Variants in ACOT7 observed in about 807,000 individuals in gnomAD.
ACOT7 encodes cytosolic acyl coenzyme A thioester hydrolase.
ACOT7 carries 12 observed loss-of-function variants against 40.2 expected under a neutral mutation model. The ratio of observed to expected loss-of-function variants is 0.30; its 90% CI spans 0.19 to 0.48. The LOEUF is 0.48. Ranked by LOEUF, ACOT7 falls within the 20% of genes least tolerant of loss-of-function variation. The probability of loss-of-function intolerance (pLI) is 0.99; values close to 1 mark genes in which losing one functional copy is unlikely to be tolerated. For missense variants in ACOT7, 395 were observed against 530.8 expected, an observed-to-expected ratio of 0.74 and a Z score of 2.51; for synonymous variants, 228 against 219.5, an observed-to-expected ratio of 1.04 and a Z score of -0.34.
At chr1:6,312,845 CA>C (rs1274700541) in intron 6 of ACOT7, among the ~76,000 whole-genome samples, 1 of 152,172 alleles carries the variant, frequency 6.6e-6, no homozygotes, top group African/African-American at 2.4e-5. Flanking sequence ...ACTATGTACC[CA>C]AAAAATTTTT....
rs769434895 is a variant in ACOT7 at position 6,306,551 on chromosome 1, A to C, written c.713-11571T>G. The C allele has an allele frequency of 1.4e-5, 14 of 985,344 alleles. No homozygotes were observed. The highest frequency in any genetic ancestry group is 1.7e-5 in the Non-Finnish European group (14 of 829,946). 61.0% of individuals were successfully genotyped at this position (985,344 alleles called of 1,614,324 possible). On this transcript the variant is annotated intron_variant, in intron 6 of 8. Coordinates refer to ENST00000361521, the MANE Select transcript of ACOT7 (RefSeq NM_007274.4). The surrounding 1 kb of genome is among the most constrained non-coding windows in gnomAD (Gnocchi z 4.3). ...TGGACGTGAAGCTGTTCTTCAGAAC[A>C]GAAGAACCTGGAGAACGATGTTTTC...
At chr1:6,362,969 G>A (rs920836992) in intron 1 of ACOT7, among the ~76,000 whole-genome samples, 8 of 151,960 alleles carry the variant, frequency 5.3e-5, no homozygotes, top group Non-Finnish European at 1.0e-4. Flanking sequence ...AGAGACCAAG[G>A]GCATGAGCTT....
rs1640923855 is a variant in ACOT7, at chr1:6,330,426, G to A, written c.511-3013C>T. On this transcript the variant is annotated intron_variant, in intron 4 of 8. Transcript: ENST00000361521. This position sits in a 1 kb window ranked among gnomAD's most constrained non-coding sequence, Gnocchi z 4.6. ...ACGTGGGCCTAGCGTGTGTTGGGGG[G>A]AAGATGGTGCAAAGAGCTCTGAACA... 6.6e-6 allele frequency among the ~76,000 whole-genome samples: 1 copy of A among 152,192 alleles called. No homozygotes were observed. Among genetic ancestry groups the A allele is most frequent in the Non-Finnish European group, 1.5e-5 (1 of 68,034 alleles).
At chr1:6,332,484 G>A (rs1640983097) in intron 4 of ACOT7, among the ~76,000 whole-genome samples, 1 of 152,228 alleles carries the variant, frequency 6.6e-6, no homozygotes, top group Non-Finnish European at 1.5e-5. Context: ...GCCCGCCCAT[G>A]GCAGGACCCC....
At chr1:6,346,077 G>A (rs1641411333) in intron 2 of ACOT7, among the ~76,000 whole-genome samples, 1 of 152,112 alleles carries the variant, frequency 6.6e-6, no homozygotes, top group South Asian at 2.1e-4. Context: ...GAGGGAGCCA[G>A]GCCATCAGGG....
chr1:6,364,416 A>G (rs1641956050), intron 1 of ACOT7, among the ~76,000 whole-genome samples: 1 of 149,016 alleles, frequency 6.7e-6, no homozygotes, highest in South Asian at 2.1e-4. Context: ...TGGTGCATGC[A>G]TGTAATCCCA....
Position 6,393,576 on chromosome 1 carries a change from G to C in ACOT7, c.-177C>G. On this transcript the variant is annotated 5_prime_UTR_variant, in exon 1 of 9. Transcript: ENST00000361521. ...CGCGCGGGCGTACGATTCTGGCGGC[G>C]TGGGGGCCCAGGCAGCCGCCGCTTC... is the stretch of plus-strand genomic sequence containing the variant. 1 of 492,928 alleles carries C rather than the reference G, an allele frequency of 2.0e-6. No individual in the cohort carries two copies. The highest frequency in any genetic ancestry group is 3.0e-6 in the Non-Finnish European group (1 of 329,416). 30.5% of individuals were successfully genotyped at this position (492,928 alleles called of 1,614,324 possible). A position where few individuals can be genotyped will look rare whatever the true frequency, so the allele number is the denominator to read the frequency against.
intron 8 of ACOT7, among the ~76,000 whole-genome samples, chr1:6,268,030 G>A (rs1638902320): frequency 6.6e-6 from 1 of 152,244 alleles, no homozygotes; most frequent in Admixed American, 6.5e-5. Context: ...TACACGAGAT[G>A]TCCAGGAGAG....
intron 1 of ACOT7, among the ~76,000 whole-genome samples, chr1:6,370,326 C>A (rs1445014060): frequency 6.6e-6 from 1 of 152,178 alleles, no homozygotes; most frequent in East Asian, 1.9e-4. Context: ...CATAAATTAC[C>A]CAGCTTCGGG....
intron 1 of ACOT7, among the ~76,000 whole-genome samples, chr1:6,371,818 G>T (rs1642138843): frequency 6.6e-6 from 1 of 151,848 alleles, no homozygotes; most frequent in Non-Finnish European, 1.5e-5. Context: ...GCTGAGACAG[G>T]CAGATCATTT....
chr1:6,268,685 C>T lies in ACOT7; in HGVS notation c.1015-3990G>A, dbSNP rs1022620439. On this transcript the variant is annotated intron_variant, in intron 8 of 8. Transcript: ENST00000361521. ...CAGGCCCCACGCACGCGGCACGGCC[C>T]GAACGGCAGGGAGATCTCCGCCCAA... 3.9e-5 allele frequency among the ~76,000 whole-genome samples: 6 copies of T among 152,246 alleles called. 1 individual carries two copies. Among genetic ancestry groups the T allele is most frequent in the Non-Finnish European group, 7.3e-5 (5 of 68,042 alleles).
intron 3 of ACOT7, among the ~76,000 whole-genome samples, chr1:6,336,881 A>G (rs1641120503): frequency 6.6e-6 from 1 of 152,208 alleles, no homozygotes. Flanking sequence ...GAGATGAGCG[A>G]GACAGAGGGG....
At chr1:6,296,339 G>C (rs911544588) in intron 6 of ACOT7, among the ~76,000 whole-genome samples, 1 of 152,168 alleles carries the variant, frequency 6.6e-6, no homozygotes, top group African/African-American at 2.4e-5. Flanking sequence ...TCTCTTATTT[G>C]ATGGACCACC....
Position 6,274,226 on chromosome 1 carries a change from C to A in ACOT7, c.1014+6876G>T, listed in dbSNP as rs932412133. Among the ~76,000 whole-genome samples the A allele has an allele frequency of 6.6e-6, 1 of 152,194 alleles. No individual in the cohort carries two copies. The highest frequency in any genetic ancestry group is 2.4e-5 in the African/African-American group (1 of 41,456). On this transcript the variant is annotated intron_variant, in intron 8 of 8. Transcript: ENST00000361521. The surrounding 1 kb of genome is among the most constrained non-coding windows in gnomAD (Gnocchi z 5.9). ...CAATTACAGCATCACTGAGAAGGCA[C>A]GGAGAGGGAACTTGGGGTAACAGCC...
In ACOT7 at chr1:6,275,199, C is replaced by T. The variant is rs898318306; in HGVS notation, c.1014+5903G>A. On this transcript the variant is annotated intron_variant, in intron 8 of 8. Transcript: ENST00000361521. The surrounding 1 kb of genome is among the most constrained non-coding windows in gnomAD (Gnocchi z 5.6). ...CTGCCCCTCCAGTCCCTTGCCCACCCAGGAGACAGGCAGCAGCCTCTGCAT... is the reference window on the plus strand; with the variant it reads ...CTGCCCCTCCAGTCCCTTGCCCACCTAGGAGACAGGCAGCAGCCTCTGCAT... Among the ~76,000 whole-genome samples the T allele has an allele frequency of 6.6e-6, 1 of 152,254 alleles. No homozygotes were observed. Among genetic ancestry groups the T allele is most frequent in the Non-Finnish European group, 1.5e-5 (1 of 68,046 alleles).
chr1:6,365,988 G>A (rs1396129699), intron 1 of ACOT7, among the ~76,000 whole-genome samples: 3 of 151,124 alleles, frequency 2.0e-5, no homozygotes, highest in African/African-American at 4.9e-5. Context: ...TCTGCCTCCC[G>A]GGTTCAAGTG....
chr1:6,288,849 C>A lies in ACOT7; in HGVS notation c.829+6015G>T, dbSNP rs1195614370. The stretch of plus-strand genomic sequence containing the variant: ...TGAAACTCAAAGTTATCTTCTGAAC[C>A]CCTGGGCCAATGTCTGGATGAAGCA... On this transcript the variant is annotated intron_variant, in intron 7 of 8. Transcript: ENST00000361521. The surrounding 1 kb of genome is among the most constrained non-coding windows in gnomAD (Gnocchi z 4.3). Among the ~76,000 whole-genome samples, 1 of 152,198 alleles carries A rather than the reference C, an allele frequency of 6.6e-6. No individual in the cohort carries two copies. Among genetic ancestry groups the A allele is most frequent in the Non-Finnish European group, 1.5e-5 (1 of 68,040 alleles).
At chr1:6,354,867 C>T (rs1641700301) in intron 1 of ACOT7, among the ~76,000 whole-genome samples, 2 of 151,366 alleles carry the variant, frequency 1.3e-5, no homozygotes. Context: ...CCCCTCACCC[C>T]CCATGGCCTC....
rs1385751605 is a variant in ACOT7 at position 6,282,033 on chromosome 1, T to G, written c.830-747A>C. Among the ~76,000 whole-genome samples the G allele has an allele frequency of 2.0e-5, 3 of 151,496 alleles. No individual in the cohort carries two copies. On this transcript the variant is annotated intron_variant, in intron 7 of 8. Coordinates refer to ENST00000361521, the MANE Select transcript of ACOT7 (RefSeq NM_007274.4). This position sits in a 1 kb window ranked among gnomAD's most constrained non-coding sequence, Gnocchi z 4.5. The stretch of plus-strand genomic sequence containing the variant: ...TCATGACAAAGTCCAAAGTCACCAG[T>G]TCCCATACATTGTTCCCATGTCCCT...
Sources: allele counts gnomAD v4.1 joint callset (sites outside exome capture counted in the v4.1 genomes callset), GRCh38; gene constraint gnomAD v4.1.1; non-coding constraint Gnocchi (gnomAD v3.1); transcripts MANE v1.5; gene names NCBI Gene and HGNC (gene_info 2026-07-23, HGNC 2026-07-21).